CDH8: variants seen among roughly 807,000 people sequenced by gnomAD.
CDH8 encodes the protein cadherin-8.
A neutral mutation model predicts 68.1 loss-of-function variants in CDH8; 17 were observed. The ratio of observed to expected loss-of-function variants is 0.25; its 90% CI spans 0.17 to 0.37. The LOEUF (loss-of-function observed/expected upper bound fraction) is 0.37, where lower values mean the gene tolerates loss of function less well. Ranked by LOEUF, CDH8 falls within the 10% of genes least tolerant of loss-of-function variation. The pLI is 1.00. For missense variants in CDH8, 763 were observed against 999.3 expected (o/e 0.76, Z 3.19); for synonymous variants, 372 against 365.1 (o/e 1.02, Z -0.21).
In CDH8 at chr16:61,844,026, G is replaced by C. The variant is rs1025874798; in HGVS notation, c.667+13093C>G. 1.2e-4 allele frequency among the ~76,000 whole-genome samples: 19 copies of C among 152,012 alleles called. No homozygotes were observed. In the East Asian group the frequency reaches 2.5e-3, roughly 20 times the overall value. On this transcript the variant is annotated intron_variant, in intron 4 of 11. Transcript: ENST00000577390. ...CAATAGCAAAGACTTGGAACCAACC[G>C]AAATGTCCAACAACGATAGACTGGA... is the stretch of plus-strand genomic sequence containing the variant.
intron 10 of CDH8, among the ~76,000 whole-genome samples, chr16:61,699,786 G>C (rs1280734677): frequency 6.6e-6 from 1 of 152,078 alleles, no homozygotes; most frequent in African/African-American, 2.4e-5. Context: ...ATGTTGGCCA[G>C]GCTGGCCTTG....
At chr16:61,820,902 T>C (rs554898298) in intron 6 of CDH8, 24 bp downstream of exon 6, 3 of 1,588,280 alleles carry the variant, frequency 1.9e-6, no homozygotes, top group South Asian at 2.2e-5. Flanking sequence ...ATTTTGAAGA[T>C]GAACAAAAGC....
chr16:61,699,522 T>C (rs1328210068), intron 10 of CDH8, among the ~76,000 whole-genome samples: 3 of 152,186 alleles, frequency 2.0e-5, no homozygotes, highest in African/African-American at 7.2e-5. Context: ...CAGTGGAGCG[T>C]TGATCTCCAT....
intron 2 of CDH8, among the ~76,000 whole-genome samples, chr16:61,922,317 A>G (rs1400514678): frequency 6.6e-6 from 1 of 152,112 alleles, no homozygotes; most frequent in Non-Finnish European, 1.5e-5. Flanking sequence ...AAAAACAATC[A>G]CCTTCTAAAG....
At chr16:61,664,154 T>G (rs146705605) in intron 10 of CDH8, among the ~76,000 whole-genome samples, 227 of 152,040 alleles carry the variant, frequency 1.5e-3, no homozygotes, top group African/African-American at 5.2e-3. Context: ...AGCCATAATT[T>G]GAATTGTGAA....
At chr16:61,684,925 A>G (rs1015348118) in intron 10 of CDH8, among the ~76,000 whole-genome samples, 1 of 151,926 alleles carries the variant, frequency 6.6e-6, no homozygotes, top group Non-Finnish European at 1.5e-5. Context: ...TGGCTCCAGT[A>G]ATTCTACTCC....
intron 3 of CDH8, among the ~76,000 whole-genome samples, chr16:61,864,173 G>C (rs62051986): frequency 6.6e-6 from 1 of 152,260 alleles, no homozygotes; most frequent in African/African-American, 2.4e-5. Context: ...AAATGTGTCA[G>C]ACAGAATTCA....
chr16:61,959,200 G>C (rs1965035653), intron 2 of CDH8, among the ~76,000 whole-genome samples: 1 of 152,052 alleles, frequency 6.6e-6, no homozygotes, highest in Non-Finnish European at 1.5e-5. Context: ...ACATAGGAAA[G>C]GCCAGGCTCT....
At chr16:61,917,629 A>T (rs1403007719) in intron 2 of CDH8, among the ~76,000 whole-genome samples, 1 of 152,190 alleles carries the variant, frequency 6.6e-6, no homozygotes, top group Non-Finnish European at 1.5e-5. Flanking sequence ...GTAAGTAACA[A>T]ATCCACATGT....
intron 2 of CDH8, among the ~76,000 whole-genome samples, chr16:62,004,140 G>A (rs553530215): frequency 1.3e-5 from 2 of 152,172 alleles, no homozygotes; most frequent in African/African-American, 4.8e-5. Context: ...AATGTCCAAG[G>A]CGTGAACTGT....
At chr16:61,964,176 C>T (rs1182495482) in intron 2 of CDH8, among the ~76,000 whole-genome samples, 1 of 152,158 alleles carries the variant, frequency 6.6e-6, no homozygotes, top group Non-Finnish European at 1.5e-5. Flanking sequence ...TGTCTAAAGA[C>T]CAAAACATCT....
chr16:61,833,866 T>C (rs536597643), intron 4 of CDH8, among the ~76,000 whole-genome samples: 3 of 152,028 alleles, frequency 2.0e-5, no homozygotes, highest in Admixed American at 2.0e-4. Context: ...TTCTTCCTTT[T>C]GATTGTATGC....
chr16:61,837,688 A>G (rs563386435), intron 4 of CDH8, among the ~76,000 whole-genome samples: 13 of 152,164 alleles, frequency 8.5e-5, no homozygotes, highest in Admixed American at 5.2e-4. Context: ...TAAAACAGAG[A>G]GAGTGTTACT....
At position 61,836,277 on chromosome 16, in the gene CDH8, G is replaced by T. The variant is rs75359792; in HGVS notation, c.668-11098C>A. 9.0e-3 allele frequency among the ~76,000 whole-genome samples: 1,366 copies of T among 151,988 alleles called. 24 individuals carry two copies. The highest frequency in any genetic ancestry group is 0.031 in the African/African-American group (1,267 of 41,472). On this transcript the variant is annotated intron_variant, in intron 4 of 11. Coordinates refer to ENST00000577390, the MANE Select transcript of CDH8 (RefSeq NM_001796.5). ...CAGGTTTGATATGACACAGTGGGTT[G>T]GATTTCTGGCTTCTTCACTTCCAGT...
At chr16:61,689,974 A>G (rs1310602033) in intron 10 of CDH8, among the ~76,000 whole-genome samples, 1 of 151,978 alleles carries the variant, frequency 6.6e-6, no homozygotes, top group East Asian at 1.9e-4. Context: ...TCCTTTTCCA[A>G]TTTCACCTCA....
chr16:62,014,766 A>G (rs1424376462), intron 2 of CDH8, among the ~76,000 whole-genome samples: 1 of 152,156 alleles, frequency 6.6e-6, no homozygotes, highest in East Asian at 1.9e-4. Context: ...TGGCATTACC[A>G]GCAAGAGAGT....
chr16:61,742,359 A>G (rs1567449421), intron 8 of CDH8, among the ~76,000 whole-genome samples: 2 of 152,016 alleles, frequency 1.3e-5, no homozygotes, highest in Non-Finnish European at 2.9e-5. Context: ...ACCTTATTGT[A>G]TTGACTAAAA....
intron 2 of CDH8, among the ~76,000 whole-genome samples, chr16:61,935,406 A>G (rs990969032): frequency 6.6e-6 from 1 of 152,220 alleles, no homozygotes; most frequent in Non-Finnish European, 1.5e-5. Context: ...GAATTTAGAA[A>G]TGATGAGTAG....
chr16:61,715,513 G>A (rs1174179250), intron 9 of CDH8, among the ~76,000 whole-genome samples: 2 of 151,378 alleles, frequency 1.3e-5, no homozygotes, highest in African/African-American at 4.8e-5. Context: ...ACAGTTTCTG[G>A]TTTCTAGTCA....
Sources: gnomAD v4.1 joint callset for allele counts (sites outside exome capture counted in the v4.1 genomes callset) on GRCh38, gnomAD v4.1.1 for gene constraint, MANE v1.5 for transcripts, NCBI Gene and HGNC (gene_info 2026-07-23, HGNC 2026-07-21) for gene names.